The following DLG2 variants were observed in gnomAD, a reference collection of about 807,000 sequenced individuals.
The protein encoded by DLG2 is discs large MAGUK scaffold protein 2, also known as disks large homolog 2.
A neutral mutation model predicts 132.5 loss-of-function variants in DLG2; 45 were observed. That is an observed-to-expected ratio of 0.34 (90% CI 0.27 to 0.44). DLG2 has a LOEUF of 0.44. DLG2 is among the 20% of genes least tolerant of loss of function. The pLI is 1.00. For synonymous variants in DLG2, 424 were observed against 419.6 expected, an observed-to-expected ratio of 1.01 and a Z score of -0.13; for missense variants, 1,045 against 1,196.9, an observed-to-expected ratio of 0.87 and a Z score of 1.87.
At chr11:85,418,986 G>C (rs2090084002) in intron 3 of DLG2, among the ~76,000 whole-genome samples, 1 of 152,134 alleles carries the variant, frequency 6.6e-6, no homozygotes, top group Non-Finnish European at 1.5e-5. Flanking sequence ...GATGCTAGCT[G>C]TCAGTAAGTT....
intron 6 of DLG2, among the ~76,000 whole-genome samples, chr11:84,791,091 G>A (rs1380564635): frequency 6.6e-6 from 1 of 152,134 alleles, no homozygotes; most frequent in Non-Finnish European, 1.5e-5. Flanking sequence ...GTGGTGGCAG[G>A]TGAGATCGAG....
At chr11:85,576,581 C>T (rs995018256) in intron 3 of DLG2, among the ~76,000 whole-genome samples, 1 of 152,086 alleles carries the variant, frequency 6.6e-6, no homozygotes, top group Non-Finnish European at 1.5e-5. Context: ...TGTTAACGTA[C>T]TTAGCTTGTC....
intron 6 of DLG2, among the ~76,000 whole-genome samples, chr11:84,889,119 A>G (rs1460137967): frequency 6.6e-6 from 1 of 152,186 alleles, no homozygotes; most frequent in Non-Finnish European, 1.5e-5. Context: ...TCTTAAACTT[A>G]CAGATATTTA....
At chr11:84,933,986 G>T (rs549477520) in intron 6 of DLG2, among the ~76,000 whole-genome samples, 2 of 152,160 alleles carry the variant, frequency 1.3e-5, no homozygotes, top group African/African-American at 4.8e-5. Context: ...TCAGTACGAT[G>T]TTGGTTGTCG....
intron 18 of DLG2, among the ~76,000 whole-genome samples, chr11:83,726,509 A>G (rs1465420660): frequency 2.6e-5 from 4 of 152,210 alleles, no homozygotes; most frequent in East Asian, 3.8e-4. Flanking sequence ...GAGTCTGCCA[A>G]TCATACGTCT....
chr11:84,411,249 A>G (rs2098901210), intron 7 of DLG2, among the ~76,000 whole-genome samples: 1 of 152,240 alleles, frequency 6.6e-6, no homozygotes, highest in Non-Finnish European at 1.5e-5. Context: ...GCAGTCTAGA[A>G]ATTAATATTT....
chr11:85,203,303 A>G (rs2081605932), intron 4 of DLG2, among the ~76,000 whole-genome samples: 1 of 151,814 alleles, frequency 6.6e-6, no homozygotes, highest in Non-Finnish European at 1.5e-5. Context: ...AGACAAAAAA[A>G]GAGAAGAGCC....
At chr11:84,953,612 T>C (rs2051238189) in intron 6 of DLG2, among the ~76,000 whole-genome samples, 1 of 152,198 alleles carries the variant, frequency 6.6e-6, no homozygotes, top group African/African-American at 2.4e-5. Context: ...ATCTCTAATT[T>C]GCAGGGTAGT....
chr11:83,731,235 G>A (rs959113102), intron 18 of DLG2, among the ~76,000 whole-genome samples: 3 of 152,066 alleles, frequency 2.0e-5, no homozygotes, highest in African/African-American at 2.4e-5. Context: ...CCATCATCTA[G>A]GTTTTAAGCC....
chr11:84,926,174 G>C (rs1310460596), intron 6 of DLG2, among the ~76,000 whole-genome samples: 5 of 151,932 alleles, frequency 3.3e-5, no homozygotes, highest in Non-Finnish European at 5.9e-5. Flanking sequence ...CATTTAAAAT[G>C]CTCAACCTCA....
intron 6 of DLG2, among the ~76,000 whole-genome samples, chr11:85,077,410 C>T (rs349063): frequency 0.38 from 58,068 of 151,706 alleles, 11,358 homozygotes; most frequent in South Asian, 0.58. Context: ...AAGACTGCTT[C>T]AAAAAGCCTA....
At chr11:84,539,756 C>T (rs1003857978) in intron 6 of DLG2, among the ~76,000 whole-genome samples, 1 of 152,126 alleles carries the variant, frequency 6.6e-6, no homozygotes, top group Non-Finnish European at 1.5e-5. Flanking sequence ...CAAGACAATC[C>T]TAAGCCAAAA....
At chr11:83,875,803 T>A (rs1466745748) in intron 15 of DLG2, among the ~76,000 whole-genome samples, 2 of 152,172 alleles carry the variant, frequency 1.3e-5, no homozygotes, top group Non-Finnish European at 2.9e-5. Context: ...AACTACAGGC[T>A]GCAGAGTCTT....
intron 4 of DLG2, among the ~76,000 whole-genome samples, chr11:85,174,467 G>A (rs992988155): frequency 2.0e-5 from 3 of 152,128 alleles, no homozygotes; most frequent in Non-Finnish European, 4.4e-5. Flanking sequence ...AACTAAAGCA[G>A]TGTTAAAAGG....
chr11:84,799,825 A>C (rs916524367), intron 6 of DLG2, among the ~76,000 whole-genome samples: 1 of 152,144 alleles, frequency 6.6e-6, no homozygotes, highest in Non-Finnish European at 1.5e-5. Context: ...CTGCTTTCTA[A>C]CTTTGGTCTC....
chr11:85,305,359 A>C (rs1043384577), intron 3 of DLG2, among the ~76,000 whole-genome samples: 1 of 152,230 alleles, frequency 6.6e-6, no homozygotes, highest in African/African-American at 2.4e-5. Flanking sequence ...TCTCTTTACC[A>C]TAGCCTGTGA....
chr11:84,155,221 T>G (rs1368720823), intron 9 of DLG2, among the ~76,000 whole-genome samples: 1 of 152,212 alleles, frequency 6.6e-6, no homozygotes, highest in Non-Finnish European at 1.5e-5. Context: ...ACTAGATTTC[T>G]GCACTGGGTT....
chr11:85,189,073 T>A (rs978059048), intron 4 of DLG2, among the ~76,000 whole-genome samples: 1 of 151,766 alleles, frequency 6.6e-6, no homozygotes, highest in African/African-American at 2.4e-5. Flanking sequence ...AAAGAGAAAA[T>A]TTTTAAGGCA....
intron 3 of DLG2, among the ~76,000 whole-genome samples, chr11:85,505,559 G>C (rs1357983215): frequency 6.6e-6 from 1 of 152,188 alleles, no homozygotes; most frequent in Non-Finnish European, 1.5e-5. Flanking sequence ...TTGCATCCCA[G>C]AGCTGAAGCC....
Sources: gnomAD v4.1 joint callset for allele counts (sites outside exome capture counted in the v4.1 genomes callset) on GRCh38, gnomAD v4.1.1 for gene constraint, MANE v1.5 for transcripts, NCBI Gene and HGNC (gene_info 2026-07-23, HGNC 2026-07-21) for gene names.